Variants in IPMK observed in about 807,000 individuals in gnomAD.
The protein encoded by IPMK is inositol polyphosphate multikinase, also known as inositol 1,3,4,6-tetrakisphosphate 5-kinase.
In IPMK, 17 loss-of-function variants were observed where a neutral mutation model predicts 45.8. The ratio of observed to expected loss-of-function variants is 0.37; its 90% CI spans 0.25 to 0.56. The LOEUF (loss-of-function observed/expected upper bound fraction) is 0.56, where lower values mean the gene tolerates loss of function less well. IPMK is among the 20% of genes least tolerant of loss of function. The pLI, the probability that IPMK is intolerant of heterozygous loss-of-function variation, is 0.79. For missense variants in IPMK, 399 were observed against 498.0 expected, an observed-to-expected ratio of 0.80 and a Z score of 1.89; for synonymous variants, 180 against 184.3, an observed-to-expected ratio of 0.98 and a Z score of 0.19.
At chr10:58,250,151 T>C (rs897501969) in intron 1 of IPMK, among the ~76,000 whole-genome samples, 2 of 152,238 alleles carry the variant, frequency 1.3e-5, no homozygotes, top group Admixed American at 1.3e-4. Flanking sequence ...TTGCTCAGCA[T>C]TTCTTTGGGT....
chr10:58,265,907 A>G (rs1267249420), intron 1 of IPMK, among the ~76,000 whole-genome samples: 2 of 152,224 alleles, frequency 1.3e-5, no homozygotes, highest in Non-Finnish European at 2.9e-5. Context: ...TCCTTTGCAT[A>G]TAAGTCAATC....
Position 58,192,726 on chromosome 10 carries a change from G to A in IPMK, c.*3350C>T, listed in dbSNP as rs1373935450. 3.3e-5 allele frequency: 5 copies of A among 152,068 alleles called. No individual in the cohort carries two copies. The highest frequency in any genetic ancestry group is 6.8e-3 in the Middle Eastern group (2 of 294). 9.4% of individuals were successfully genotyped at this position (152,068 alleles called of 1,614,324 possible). On this transcript the variant is annotated 3_prime_UTR_variant, in exon 6 of 6. Coordinates refer to ENST00000373935, the MANE Select transcript of IPMK (RefSeq NM_152230.5). Reference sequence around the variant, plus strand: ...ATTTTTGAATGAACTAAGAAGCCTGGCCTCCAAAGGCAACCCTACTTGTTT... The same window carrying A: ...ATTTTTGAATGAACTAAGAAGCCTGACCTCCAAAGGCAACCCTACTTGTTT...
intron 1 of IPMK, among the ~76,000 whole-genome samples, chr10:58,246,742 G>A (rs1447118773): frequency 6.6e-6 from 1 of 151,846 alleles, no homozygotes; most frequent in Non-Finnish European, 1.5e-5. Flanking sequence ...ACACAGGCAT[G>A]GGCAAGGACT....
chr10:58,235,259 G>A (rs1292083249), intron 2 of IPMK, among the ~76,000 whole-genome samples: 11 of 152,182 alleles, frequency 7.2e-5, no homozygotes, highest in African/African-American at 1.7e-4. Context: ...ACAGTGTGGC[G>A]ATTCCTCAAG....
chr10:58,252,907 C>T (rs866369487), intron 1 of IPMK, among the ~76,000 whole-genome samples: 5 of 151,332 alleles, frequency 3.3e-5, no homozygotes, highest in African/African-American at 1.2e-4. Flanking sequence ...CCACTGTGCC[C>T]GGCCACATCC....
At chr10:58,244,976 T>C (rs1264537612) in intron 1 of IPMK, among the ~76,000 whole-genome samples, 1 of 150,584 alleles carries the variant, frequency 6.6e-6, no homozygotes, top group Non-Finnish European at 1.5e-5. Context: ...TGACCTTCTC[T>C]CCACTATTAT....
At chr10:58,204,773 T>G (rs992381002) in intron 4 of IPMK, among the ~76,000 whole-genome samples, 1 of 152,036 alleles carries the variant, frequency 6.6e-6, no homozygotes, top group Non-Finnish European at 1.5e-5. Context: ...CTAGCCTGGA[T>G]GACAGAGCAA....
chr10:58,211,919 A>AAAAAAAAAAAAAAT lies in IPMK; in HGVS notation c.546+4225_546+4226insATTTTTTTTTTTTT, dbSNP rs967150743. ...ATCTCACCAAAAAAAAAAAAAAAAA[A>AAAAAAAAAAAAAAT]AAAAAATTTGTTTTCATTGTTGTGG... On this transcript the variant is annotated intron_variant, in intron 4 of 5. Coordinates refer to ENST00000373935, the MANE Select transcript of IPMK (RefSeq NM_152230.5). Among the ~76,000 whole-genome samples, 238 of 148,150 alleles carry AAAAAAAAAAAAAAT rather than the reference A, an allele frequency of 1.6e-3. 4 individuals carry two copies. Among genetic ancestry groups the AAAAAAAAAAAAAAT allele is most frequent in the African/African-American group, 5.9e-3 (225 of 38,170 alleles).
intron 1 of IPMK, among the ~76,000 whole-genome samples, chr10:58,238,988 T>A (rs1378596410): frequency 6.6e-6 from 1 of 151,938 alleles, no homozygotes; most frequent in Non-Finnish European, 1.5e-5. Flanking sequence ...ACAAAACATT[T>A]AAAAAAGAAA....
chr10:58,207,562 G>A (rs1838089003), intron 4 of IPMK, among the ~76,000 whole-genome samples: 1 of 152,162 alleles, frequency 6.6e-6, no homozygotes, highest in African/African-American at 2.4e-5. Context: ...ATTTGTTCTA[G>A]GGTATAGTTT....
chr10:58,217,340 C>T (rs1039467814), intron 3 of IPMK, among the ~76,000 whole-genome samples: 1 of 151,802 alleles, frequency 6.6e-6, no homozygotes, highest in African/African-American at 2.4e-5. Flanking sequence ...AAGCCAGGGT[C>T]CAGGTCCCAA....
chr10:58,227,205 C>A, intron 2 of IPMK, 66 bp from the exon 3 acceptor site: 1 of 1,156,250 alleles, frequency 8.6e-7, no homozygotes, highest in South Asian at 1.4e-5. Flanking sequence ...GCACATTTCT[C>A]AAATAAAATT....
At chr10:58,226,616 C>T (rs1388714097) in intron 3 of IPMK, among the ~76,000 whole-genome samples, 1 of 152,116 alleles carries the variant, frequency 6.6e-6, no homozygotes, top group Non-Finnish European at 1.5e-5. Flanking sequence ...ATGAAACTTA[C>T]CAGTGCTTTT....
chr10:58,196,089 A>G lies in IPMK; in HGVS notation c.1238T>C (p.Ile413Thr), dbSNP rs771146097. 3 of 1,612,324 alleles carry G rather than the reference A, an allele frequency of 1.9e-6. No individual in the cohort carries two copies. Among genetic ancestry groups the G allele is most frequent in the Non-Finnish European group, 2.5e-6 (3 of 1,178,860 alleles). ...GCAACAGAGGATTCAATTGTCTAAA[A>G]TACTTCGAAGTACAGAAATTAAATG... Reference protein sequence around the residue: ...LKHLISVLRSILDN With the variant: ...LKHLISVLRSTLDN The change falls in exon 6 of 6, where the codon ATT becomes ACT. Residue 413 changes from isoleucine (I) to threonine (T), a missense_variant. By Grantham distance (89) the Ile-to-Thr change is moderately conservative (BLOSUM62 -1). Around this residue, in one of 2 missense-constraint regions of IPMK, gnomAD observed 288 missense variants for 398.0 expected, o/e 0.72. Transcript: ENST00000373935.
intron 3 of IPMK, 43 bp downstream of exon 3, chr10:58,227,000 C>T (rs893691469): frequency 3.7e-6 from 5 of 1,357,988 alleles, no homozygotes; most frequent in Non-Finnish European, 5.2e-6. Context: ...AGAAGCTACA[C>T]TCATGAATTA....
At chr10:58,261,636 T>G (rs968373514) in intron 1 of IPMK, among the ~76,000 whole-genome samples, 7 of 151,726 alleles carry the variant, frequency 4.6e-5, no homozygotes, top group Admixed American at 3.9e-4. Context: ...CAGGCTGGAG[T>G]GCAGTGGCAC....
At chr10:58,244,873 T>C (rs950885891) in intron 1 of IPMK, among the ~76,000 whole-genome samples, 1 of 152,034 alleles carries the variant, frequency 6.6e-6, no homozygotes, top group Admixed American at 6.6e-5. Flanking sequence ...CACCACTCCC[T>C]AATCTCAAGT....
chr10:58,235,131 C>G (rs921197734), intron 2 of IPMK, among the ~76,000 whole-genome samples: 17 of 152,182 alleles, frequency 1.1e-4, no homozygotes, highest in African/African-American at 4.1e-4. Context: ...CATCTCACAC[C>G]AGTTAGAATG....
intron 4 of IPMK, among the ~76,000 whole-genome samples, chr10:58,210,545 C>T (rs776899966): frequency 3.3e-5 from 5 of 152,184 alleles, no homozygotes; most frequent in Non-Finnish European, 7.3e-5. Context: ...TCCCTAATTC[C>T]GCTGGCTGCC....
Sources: gnomAD v4.1 joint callset for allele counts (sites outside exome capture counted in the v4.1 genomes callset) on GRCh38, gnomAD v4.1.1 for gene constraint, gnomAD v4.1.1 regional missense constraint, MANE v1.5 for transcripts, NCBI Gene and HGNC (gene_info 2026-07-23, HGNC 2026-07-21) for gene names.